Variants in ZNF148 observed in about 807,000 individuals in gnomAD.
The protein encoded by ZNF148 is zinc finger protein 148, also known as Beta-Enolase Repressor Factor-1.
ZNF148 carries 7 observed loss-of-function variants against 67.7 expected under a neutral mutation model. The ratio of observed to expected loss-of-function variants is 0.10; its 90% CI spans 0.06 to 0.19. The LOEUF (loss-of-function observed/expected upper bound fraction) is 0.19. ZNF148 is among the 10% of genes least tolerant of loss of function. The pLI, the probability that ZNF148 is intolerant of heterozygous loss-of-function variation, is 1.00. For missense variants in ZNF148, 583 were observed against 947.1 expected, an observed-to-expected ratio of 0.62 and a Z score of 5.05; for synonymous variants, 333 against 330.7, an observed-to-expected ratio of 1.01 and a Z score of -0.08.
intron 3 of ZNF148, among the ~76,000 whole-genome samples, chr3:125,319,499 G>T (rs1400279356): frequency 6.6e-6 from 1 of 151,934 alleles, no homozygotes. Context: ...GTTCTACAAG[G>T]GTCAATTAAA....
intron 7 of ZNF148, among the ~76,000 whole-genome samples, chr3:125,265,744 A>T (rs1937518550): frequency 1.3e-5 from 2 of 152,204 alleles, no homozygotes; most frequent in Admixed American, 1.3e-4. Context: ...TTTTTAAGGT[A>T]GAGTTCCTCC....
At chr3:125,291,037 T>C (rs1439367537) in intron 4 of ZNF148, among the ~76,000 whole-genome samples, 7 of 152,158 alleles carry the variant, frequency 4.6e-5, no homozygotes, top group African/African-American at 1.7e-4. Flanking sequence ...CCTAAAATAA[T>C]GTTGCCAGAC....
At chr3:125,265,985 A>T (rs1302521956) in intron 7 of ZNF148, among the ~76,000 whole-genome samples, 1 of 152,216 alleles carries the variant, frequency 6.6e-6, no homozygotes, top group Non-Finnish European at 1.5e-5. Flanking sequence ...AGGTCATTTT[A>T]TAATGATAAA....
rs1466361540 is a variant in ZNF148 at position 125,230,461 on chromosome 3, A to C, written c.*1880T>G. 6.6e-6 allele frequency: 1 copy of C among 152,536 alleles called. No homozygotes were observed. The highest frequency in any genetic ancestry group is 2.4e-5 in the African/African-American group (1 of 41,430). 9.4% of individuals were successfully genotyped at this position (152,536 alleles called of 1,614,324 possible). A position where few individuals can be genotyped will look rare whatever the true frequency, so the allele number is the denominator to read the frequency against. ...CAGCAAAGAAAGCTGTCAAACGGGA[A>C]AACTACTATTTCAAGCAAAACTTAA... On this transcript the variant is annotated 3_prime_UTR_variant, in exon 9 of 9. Transcript: ENST00000360647.
chr3:125,357,412 C>CT (rs1192569927), intron 1 of ZNF148: 1 of 152,980 alleles, frequency 6.5e-6, no homozygotes, highest in East Asian at 1.9e-4. Context: ...CACACACCCC[C>CT]CAAAAAGAGG....
intron 3 of ZNF148, among the ~76,000 whole-genome samples, chr3:125,318,869 A>G (rs1025491613): frequency 6.6e-6 from 1 of 152,164 alleles, no homozygotes; most frequent in African/African-American, 2.4e-5. Flanking sequence ...CAAATTCTGC[A>G]TTCTTCCCCC....
At position 125,279,254 on chromosome 3, in the gene ZNF148, C is replaced by A. The variant is rs199793343; in HGVS notation, c.460-7G>T. 1.7e-3 allele frequency: 2,209 copies of A among 1,317,388 alleles called. 2 individuals carry two copies. The highest frequency in any genetic ancestry group is 4.8e-3 in the African/African-American group (304 of 63,058). 81.6% of individuals were successfully genotyped at this position (1,317,388 alleles called of 1,614,324 possible). On this transcript the variant is annotated splice_region_variant and splice_polypyrimidine_tract_variant and intron_variant, in intron 5 of 8. Coordinates refer to ENST00000360647, the MANE Select transcript of ZNF148 (RefSeq NM_021964.3). ...CCTCATTTATTGTAAGGATCTAGTTCAAAAAAAAAAAGGCAAAAACAAAAG... is the reference window on the plus strand; with the variant it reads ...CCTCATTTATTGTAAGGATCTAGTTAAAAAAAAAAAAGGCAAAAACAAAAG...
chr3:125,319,257 T>C (rs1242789337), intron 3 of ZNF148, among the ~76,000 whole-genome samples: 2 of 152,216 alleles, frequency 1.3e-5, no homozygotes, highest in Non-Finnish European at 2.9e-5. Flanking sequence ...CTAAGCTTTA[T>C]AGATTTATAT....
chr3:125,289,548 A>G (rs1938894496), intron 4 of ZNF148, among the ~76,000 whole-genome samples: 1 of 152,226 alleles, frequency 6.6e-6, no homozygotes, highest in African/African-American at 2.4e-5. Context: ...CACCACCTAC[A>G]AGACTTGGGA....
At chr3:125,243,349 A>C (rs1936452971) in intron 7 of ZNF148, among the ~76,000 whole-genome samples, 1 of 152,074 alleles carries the variant, frequency 6.6e-6, no homozygotes, top group Non-Finnish European at 1.5e-5. Context: ...GAATTTACTT[A>C]TTTGCAGTAA....
At chr3:125,241,647 ATAC>A (rs1374622745) in intron 7 of ZNF148, among the ~76,000 whole-genome samples, 3 of 152,226 alleles carry the variant, frequency 2.0e-5, no homozygotes, top group Non-Finnish European at 2.9e-5. Context: ...ATGGAAAGAC[ATAC>A]TACAATTTAT....
At chr3:125,234,042 A>C in intron 8 of ZNF148, 103 bp from the exon 9 acceptor site, 1 of 1,389,660 alleles carries the variant, frequency 7.2e-7, no homozygotes, top group Non-Finnish European at 9.6e-7. Flanking sequence ...TTAATGCAAT[A>C]ACATACATAA....
chr3:125,277,686 A>T (rs1196257864), intron 7 of ZNF148, 40 bp downstream of exon 7: 1 of 1,545,778 alleles, frequency 6.5e-7, no homozygotes, highest in African/African-American at 1.4e-5. Context: ...CATTTGAAAT[A>T]ATCATTTTAA....
At chr3:125,370,736 A>G (rs745501527) in intron 1 of ZNF148, among the ~76,000 whole-genome samples, 1 of 152,166 alleles carries the variant, frequency 6.6e-6, no homozygotes, top group Non-Finnish European at 1.5e-5. Flanking sequence ...TTATGACTCT[A>G]ACCTAACAGA....
chr3:125,268,973 C>T (rs1267652390), intron 7 of ZNF148, among the ~76,000 whole-genome samples: 3 of 152,056 alleles, frequency 2.0e-5, no homozygotes, highest in Non-Finnish European at 4.4e-5. Context: ...TATCCAGAAC[C>T]TGTAAGGCAG....
chr3:125,371,972 G>A (rs988515090), intron 1 of ZNF148, among the ~76,000 whole-genome samples: 2 of 151,442 alleles, frequency 1.3e-5, no homozygotes, highest in African/African-American at 4.9e-5. Flanking sequence ...GCTGAGGCAG[G>A]AGAATGGCGT....
intron 1 of ZNF148, among the ~76,000 whole-genome samples, chr3:125,367,628 CTCATTCATTCAT>C (rs577193105): frequency 3.9e-5 from 6 of 152,138 alleles, no homozygotes; most frequent in Non-Finnish European, 7.4e-5. Context: ...TCTCAAATAT[CTCATTCATTCAT>C]TCATTCATTC....
At chr3:125,285,565 A>AAC (rs1938613247) in intron 5 of ZNF148, among the ~76,000 whole-genome samples, 1 of 151,612 alleles carries the variant, frequency 6.6e-6, no homozygotes, top group African/African-American at 2.4e-5. Context: ...AAAAAAAAAA[A>AAC]AAAACAAAAC....
At chr3:125,280,068 A>G (rs1173381456) in intron 5 of ZNF148, among the ~76,000 whole-genome samples, 1 of 152,150 alleles carries the variant, frequency 6.6e-6, no homozygotes, top group Non-Finnish European at 1.5e-5. Flanking sequence ...GTCTAGGATC[A>G]CTAAGGTTAT....
Sources: allele counts gnomAD v4.1 joint callset (sites outside exome capture counted in the v4.1 genomes callset), GRCh38; gene constraint gnomAD v4.1.1; transcripts MANE v1.5; gene names NCBI Gene and HGNC (gene_info 2026-07-23, HGNC 2026-07-21).